The following TULP1 variants were observed in gnomAD, a reference collection of about 807,000 sequenced individuals.
TULP1 encodes the protein tubby-related protein 1.
TULP1 carries 50 observed loss-of-function variants against 67.1 expected under a neutral mutation model. The ratio of observed to expected loss-of-function variants is 0.75; its 90% CI spans 0.59 to 0.94. The LOEUF (loss-of-function observed/expected upper bound fraction) is 0.94, where lower values mean the gene tolerates loss of function less well. TULP1 is among the 40% of genes least tolerant of loss of function. The pLI, the probability that TULP1 is intolerant of heterozygous loss-of-function variation, is 0.00. For synonymous variants in TULP1, 297 were observed against 294.0 expected (o/e 1.01, Z -0.11); for missense variants, 746 against 734.1 (o/e 1.02, Z -0.19).
chr6:35,498,290 G>A lies in TULP1; in HGVS notation c.*37C>T, dbSNP rs760768786. ...GCCTCCACTGAATCCTTTCCCCCAC[G>A]CTGACGGGCTCTGGGGGCGCTGAGG... is the stretch of plus-strand genomic sequence containing the variant. On this transcript the variant is annotated 3_prime_UTR_variant, in exon 15 of 15. Coordinates refer to ENST00000229771, the MANE Select transcript of TULP1 (RefSeq NM_003322.6). The surrounding 1 kb of genome is among the most constrained non-coding windows in gnomAD (Gnocchi z 6.7). The A allele has an allele frequency of 3.7e-6, 6 of 1,608,716 alleles. No individual in the cohort carries two copies. The highest frequency in any genetic ancestry group is 5.1e-6 in the Non-Finnish European group (6 of 1,178,784).
chr6:35,504,085 G>A (rs1761030036), intron 11 of TULP1: 4 of 495,354 alleles, frequency 8.1e-6, no homozygotes, highest in African/African-American at 1.9e-5. Flanking sequence ...GGAGTCAGAG[G>A]AGGGAGGATC....
rs1768760250 is a variant in TULP1 at position 35,498,599 on chromosome 6, A to G, written c.1496-139T>C. 7.7e-7 allele frequency: 1 copy of G among 1,302,598 alleles called. No individual in the cohort carries two copies. Among genetic ancestry groups the G allele is most frequent in the African/African-American group, 1.5e-5 (1 of 68,464 alleles). 80.7% of individuals were successfully genotyped at this position (1,302,598 alleles called of 1,614,324 possible). ...TCAGCCACCATCTCAGTTACTCAAC[A>G]CCCATCCCTTCTTCTATCTCACTCC... On this transcript the variant is annotated intron_variant, in intron 14 of 14. Transcript: ENST00000229771. The surrounding 1 kb of genome is among the most constrained non-coding windows in gnomAD (Gnocchi z 6.7).
At chr6:35,502,198 T>C (rs1760980620) in intron 13 of TULP1, among the ~76,000 whole-genome samples, 1 of 152,062 alleles carries the variant, frequency 6.6e-6, no homozygotes, top group South Asian at 2.1e-4. Context: ...ATTATTTATT[T>C]ATTTATTTAT....
chr6:35,511,523 C>A, intron 4 of TULP1, 125 bp downstream of exon 4: 2 of 1,445,058 alleles, frequency 1.4e-6, no homozygotes, highest in South Asian at 1.2e-5. Context: ...AAAGATAAGG[C>A]CAGAAAAGTG....
chr6:35,498,830 G>A lies in TULP1; in HGVS notation c.1496-370C>T, dbSNP rs913153813. 6.6e-6 allele frequency among the ~76,000 whole-genome samples: 1 copy of A among 152,106 alleles called. No homozygotes were observed. Among genetic ancestry groups the A allele is most frequent in the Non-Finnish European group, 1.5e-5 (1 of 68,028 alleles). ...CTTTCCTCCTATCCCCAGCCACGAA[G>A]TCCCACCTTAGACCCCAGCTCCACC... On this transcript the variant is annotated intron_variant, in intron 14 of 14. Transcript: ENST00000229771. The surrounding 1 kb of genome is among the most constrained non-coding windows in gnomAD (Gnocchi z 6.7).
intron 8 of TULP1, among the ~76,000 whole-genome samples, chr6:35,507,900 C>T (rs557933798): frequency 7.9e-5 from 12 of 152,294 alleles, no homozygotes; most frequent in Admixed American, 2.6e-4. Context: ...CTGCAGCCTC[C>T]ACCTCCTGGG....
rs771867194 is a variant in TULP1 at position 35,500,086 on chromosome 6, T to G, written c.1390A>C (p.Lys464Gln). The G allele has an allele frequency of 5.6e-6, 9 of 1,614,060 alleles. No individual in the cohort carries two copies. The highest frequency in any genetic ancestry group is 7.6e-6 in the Non-Finnish European group (9 of 1,180,006). Residue 464 changes from lysine (K) to glutamine (Q), a missense_variant, in exon 14 of 15, where the codon AAG becomes CAG. Lys to Gln is a moderately conservative substitution (Grantham distance 53, BLOSUM62 1). Coordinates refer to ENST00000229771, the MANE Select transcript of TULP1 (RefSeq NM_003322.6). ...TLESLIELHN[K>Q]PPVWNDDSGS... ...CTGTCATCGTTCCAGACAGGTGGCT[T>G]GTTGTGCAGTTCTATGAGGCTCTCC...
chr6:35,506,257 C>T lies in TULP1; in HGVS notation c.828+17G>A, dbSNP rs773963298. 56 of 1,594,930 alleles carry T rather than the reference C, an allele frequency of 3.5e-5. No homozygotes were observed. Among genetic ancestry groups the T allele is most frequent in the Non-Finnish European group, 4.4e-5 (51 of 1,170,804 alleles). Reference sequence around the variant, plus strand: ...GTCCCAGTGCTGAGACACGGGCAGCCCGGCAGGACAACTCACCGCTTTCTG... The same window carrying T: ...GTCCCAGTGCTGAGACACGGGCAGCTCGGCAGGACAACTCACCGCTTTCTG... On this transcript the variant is annotated intron_variant, in intron 9 of 14. Coordinates refer to ENST00000229771, the MANE Select transcript of TULP1 (RefSeq NM_003322.6).
At chr6:35,501,886 C>G (rs932489970) in intron 13 of TULP1, among the ~76,000 whole-genome samples, 9 of 152,200 alleles carry the variant, frequency 5.9e-5, no homozygotes, top group African/African-American at 2.2e-4. Context: ...CCATTTCTCT[C>G]AGAGCAAAAA....
chr6:35,506,197 C>T, intron 9 of TULP1, 24 bp from the exon 10 acceptor site: 1 of 1,613,154 alleles, frequency 6.2e-7, no homozygotes, highest in Non-Finnish European at 8.5e-7. Flanking sequence ...GAGGGTACAT[C>T]AGCCCCAGAG....
At chr6:35,510,177 C>T (rs1761168211) in intron 5 of TULP1, among the ~76,000 whole-genome samples, 1 of 152,078 alleles carries the variant, frequency 6.6e-6, no homozygotes, top group Admixed American at 6.6e-5. Flanking sequence ...CCTCAGCCGC[C>T]CAAGTAGCTG....
chr6:35,498,326 G>T lies in TULP1; in HGVS notation c.*1C>A, dbSNP rs1178636343. The T allele has an allele frequency of 6.2e-7, 1 of 1,612,148 alleles. No homozygotes were observed. The highest frequency in any genetic ancestry group is 1.7e-5 in the Admixed American group (1 of 59,884). ...CTGGGGGCGCTGAGGGGCTGCTGGG[G>T]TCACTCGCAGGCCAGCTTCCCGTCG... On this transcript the variant is annotated 3_prime_UTR_variant, in exon 15 of 15. Coordinates refer to ENST00000229771, the MANE Select transcript of TULP1 (RefSeq NM_003322.6). This position sits in a 1 kb window ranked among gnomAD's most constrained non-coding sequence, Gnocchi z 6.7.
In TULP1 at chr6:35,509,203, C is replaced by A. The variant is rs1179735812; in HGVS notation, c.822+6G>T. 6.2e-7 allele frequency: 1 copy of A among 1,613,486 alleles called. No individual in the cohort carries two copies. Among genetic ancestry groups the A allele is most frequent in the African/African-American group, 1.3e-5 (1 of 74,890 alleles). On this transcript the variant is annotated splice_donor_region_variant and intron_variant, in intron 8 of 14. Transcript: ENST00000229771. The stretch of plus-strand genomic sequence containing the variant: ...ACCTCAGCCCCCTGCCCCTCTGGGC[C>A]CCAACCTTTTTGCCTTTTCCTTTGG...
In TULP1 at chr6:35,503,447, A is replaced by G. The variant is rs781007834; in HGVS notation, c.1323+112T>C. The G allele has an allele frequency of 7.2e-6, 8 of 1,118,708 alleles. No homozygotes were observed. The African/African-American group carries it at 7.7e-5, about 11-fold the overall frequency. The allele number at this position is 1,118,708 out of a possible 1,614,324, so 69.3% of individuals were successfully genotyped here. A position where few individuals can be genotyped will look rare whatever the true frequency, so the allele number is the denominator to read the frequency against. Reference sequence around the variant, plus strand: ...TCCATTCCCTAGGTGGCCAGAATGAATTTGTGTTGGAGGGTGATGGATGTG... The same window carrying G: ...TCCATTCCCTAGGTGGCCAGAATGAGTTTGTGTTGGAGGGTGATGGATGTG... On this transcript the variant is annotated intron_variant, in intron 13 of 14. Coordinates refer to ENST00000229771, the MANE Select transcript of TULP1 (RefSeq NM_003322.6). This position sits in a 1 kb window ranked among gnomAD's most constrained non-coding sequence, Gnocchi z 4.0.
chr6:35,508,565 A>G (rs1332712529), intron 8 of TULP1, among the ~76,000 whole-genome samples: 1 of 152,158 alleles, frequency 6.6e-6, no homozygotes, highest in Non-Finnish European at 1.5e-5. Flanking sequence ...ACTTTCTGTC[A>G]GTTGGACCTC....
chr6:35,503,689 C>T lies in TULP1; in HGVS notation c.1225-32G>A. 1.2e-6 allele frequency: 2 copies of T among 1,600,566 alleles called. No individual in the cohort carries two copies. Among genetic ancestry groups the T allele is most frequent in the African/African-American group, 1.3e-5 (1 of 74,658 alleles). On this transcript the variant is annotated intron_variant, in intron 12 of 14. Coordinates refer to ENST00000229771, the MANE Select transcript of TULP1 (RefSeq NM_003322.6). This position sits in a 1 kb window ranked among gnomAD's most constrained non-coding sequence, Gnocchi z 4.0. ...AGGAAACAGATGCCTGTGAGGCCAG[C>T]CCCTGTAAGGGGAGCAGCCTGGCAT...
chr6:35,510,734 A>T, intron 5 of TULP1, 127 bp downstream of exon 5: 2 of 1,592,050 alleles, frequency 1.3e-6, no homozygotes, highest in East Asian at 2.2e-5. Context: ...CAGAGGAAAA[A>T]CCCTCCGGTC....
rs1761084356 is a variant in TULP1, at chr6:35,506,181, G to A, written c.829-8C>T. 6.2e-7 allele frequency: 1 copy of A among 1,613,258 alleles called. No individual in the cohort carries two copies. The highest frequency in any genetic ancestry group is 1.7e-5 in the Admixed American group (1 of 59,990). On this transcript the variant is annotated splice_polypyrimidine_tract_variant and splice_region_variant and intron_variant, in intron 9 of 14. Transcript: ENST00000229771. ...CGGGGCCCTCTCCTCCTTCTGGGTG[G>A]GGGCAGAGGGTACATCAGCCCCAGA...
intron 3 of TULP1, 103 bp downstream of exon 3, chr6:35,512,077 C>T (rs1200947551): frequency 2.9e-6 from 2 of 678,590 alleles, no homozygotes; most frequent in Non-Finnish European, 2.2e-6. Flanking sequence ...CCCCTCCTCC[C>T]CCACCCCGTT....
Sources: gnomAD v4.1 joint callset for allele counts (sites outside exome capture counted in the v4.1 genomes callset) on GRCh38, gnomAD v4.1.1 for gene constraint, Gnocchi (gnomAD v3.1) non-coding constraint, MANE v1.5 for transcripts, NCBI Gene and HGNC (gene_info 2026-07-23, HGNC 2026-07-21) for gene names.